The following SDK1 variants were observed in gnomAD, a reference collection of about 807,000 sequenced individuals.
The protein encoded by SDK1 is protein sidekick-1.
Under a neutral mutation model 245.5 loss-of-function variants are expected in SDK1, and 157 were observed. That is an observed-to-expected ratio of 0.64 (90% CI 0.56 to 0.73). The LOEUF (loss-of-function observed/expected upper bound fraction) is 0.73, where lower values mean the gene tolerates loss of function less well. SDK1 is among the 30% of genes least tolerant of loss of function. The pLI, the probability that SDK1 is intolerant of heterozygous loss-of-function variation, is 0.00. For missense variants in SDK1, 3,583 were observed against 3,002.3 expected, an observed-to-expected ratio of 1.19 and a Z score of -4.52; for synonymous variants, 1,647 against 1,278.5, an observed-to-expected ratio of 1.29 and a Z score of -6.15.
At chr7:4,243,495 G>A (rs1374001589) in intron 43 of SDK1, among the ~76,000 whole-genome samples, 1 of 152,208 alleles carries the variant, frequency 6.6e-6, no homozygotes, top group African/African-American at 2.4e-5. Flanking sequence ...TGGACTCACA[G>A]TTCCACATGG....
At chr7:3,461,030 G>C (rs568911884) in intron 1 of SDK1, among the ~76,000 whole-genome samples, 1 of 152,156 alleles carries the variant, frequency 6.6e-6, no homozygotes, top group African/African-American at 2.4e-5. Flanking sequence ...AATATATACA[G>C]ATTTAACGGG....
chr7:4,067,216 G>A (rs560326178), intron 19 of SDK1, among the ~76,000 whole-genome samples: 3 of 152,226 alleles, frequency 2.0e-5, no homozygotes, highest in African/African-American at 4.8e-5. Context: ...GGACGCCAGC[G>A]TTCAAGCGTA....
chr7:3,785,320 A>T (rs922499469), intron 4 of SDK1, among the ~76,000 whole-genome samples: 3 of 152,150 alleles, frequency 2.0e-5, no homozygotes, highest in African/African-American at 7.2e-5. Flanking sequence ...GTACACTTCA[A>T]AGTGTCTGAG....
intron 44 of SDK1, among the ~76,000 whole-genome samples, chr7:4,246,457 A>G (rs1189554274): frequency 6.6e-6 from 1 of 152,102 alleles, no homozygotes; most frequent in Non-Finnish European, 1.5e-5. Flanking sequence ...TGCCATAAAA[A>G]TTGGTGGTCT....
chr7:3,833,011 A>G (rs945165117), intron 5 of SDK1, among the ~76,000 whole-genome samples: 21 of 152,150 alleles, frequency 1.4e-4, no homozygotes, highest in African/African-American at 5.1e-4. Flanking sequence ...GTAGTTTTAG[A>G]GCATCATAAA....
intron 5 of SDK1, among the ~76,000 whole-genome samples, chr7:3,879,672 C>T (rs1183037527): frequency 6.6e-6 from 1 of 152,172 alleles, no homozygotes; most frequent in Non-Finnish European, 1.5e-5. Context: ...ATAGCTTTTG[C>T]ATTATCTTTC....
chr7:3,643,882 TTAA>T (rs1175653150), intron 4 of SDK1: 1 of 148,688 alleles, frequency 6.7e-6, no homozygotes, highest in Non-Finnish European at 1.5e-5. Context: ...ATTATTACTA[TTAA>T]TAATTATATA....
chr7:3,687,716 A>G (rs1472263806), intron 4 of SDK1, among the ~76,000 whole-genome samples: 2 of 152,222 alleles, frequency 1.3e-5, no homozygotes, highest in African/African-American at 4.8e-5. Flanking sequence ...ACGGGTCAGC[A>G]AAGCAGCGGA....
chr7:4,251,187 A>G (rs1226942458), intron 44 of SDK1, among the ~76,000 whole-genome samples: 1 of 152,230 alleles, frequency 6.6e-6, no homozygotes, highest in Non-Finnish European at 1.5e-5. Context: ...AAATGCATTC[A>G]TCAGTTGATG....
intron 1 of SDK1, among the ~76,000 whole-genome samples, chr7:3,421,186 C>T (rs1779525007): frequency 6.6e-6 from 1 of 151,146 alleles, no homozygotes; most frequent in African/African-American, 2.4e-5. Context: ...ATTCTCCTGC[C>T]TGAGCCTCCT....
In SDK1 at chr7:4,104,021, C is replaced by T. The variant is rs555974785; in HGVS notation, c.3325-6642C>T. ...ACAAAAACAGGAAGTGGGCCAGATTCGGCCCCTGGGCCGGAGTTTGCTGAC... is the reference window on the plus strand; with the variant it reads ...ACAAAAACAGGAAGTGGGCCAGATTTGGCCCCTGGGCCGGAGTTTGCTGAC... On this transcript the variant is annotated intron_variant, in intron 22 of 44. Transcript: ENST00000404826. Among the ~76,000 whole-genome samples, 3 of 152,374 alleles carry T rather than the reference C, an allele frequency of 2.0e-5. No homozygotes were observed. The South Asian group carries it at 6.2e-4, about 32-fold the overall frequency.
At chr7:3,850,470 C>T (rs1458018109) in intron 5 of SDK1, among the ~76,000 whole-genome samples, 2 of 152,174 alleles carry the variant, frequency 1.3e-5, no homozygotes, top group African/African-American at 4.8e-5. Flanking sequence ...GGATCTAGAA[C>T]TAGAAATACC....
chr7:3,893,298 G>C (rs1781507746), intron 5 of SDK1, among the ~76,000 whole-genome samples: 1 of 152,128 alleles, frequency 6.6e-6, no homozygotes, highest in South Asian at 2.1e-4. Context: ...CATCCCACCT[G>C]GGTCTGAATC....
intron 35 of SDK1, among the ~76,000 whole-genome samples, chr7:4,196,520 G>GT (rs1317984327): frequency 1.3e-5 from 2 of 152,064 alleles, no homozygotes; most frequent in African/African-American, 4.8e-5. Context: ...TCAGCTGCTG[G>GT]CCCCTCCCTG....
intron 1 of SDK1, among the ~76,000 whole-genome samples, chr7:3,431,165 T>A (rs1583846745): frequency 6.6e-6 from 1 of 152,016 alleles, no homozygotes; most frequent in African/African-American, 2.4e-5. Flanking sequence ...CGTCCCAAAG[T>A]GCTGGGATTA....
chr7:3,390,911 G>C (rs1781733550), intron 1 of SDK1, among the ~76,000 whole-genome samples: 1 of 152,104 alleles, frequency 6.6e-6, no homozygotes, highest in Non-Finnish European at 1.5e-5. Flanking sequence ...CTTCTGACAA[G>C]TAAAAGTAAA....
At chr7:3,326,602 A>C (rs1779946677) in intron 1 of SDK1, among the ~76,000 whole-genome samples, 2 of 152,160 alleles carry the variant, frequency 1.3e-5, no homozygotes, top group Non-Finnish European at 2.9e-5. Context: ...GTGTTAGTTT[A>C]CACATCCACT....
chr7:3,859,372 T>C lies in SDK1; in HGVS notation c.847+37789T>C, dbSNP rs137916817. Among the ~76,000 whole-genome samples the C allele has an allele frequency of 3.6e-3, 551 of 152,216 alleles. 1 individual carries two copies. The highest frequency in any genetic ancestry group is 4.7e-3 in the Non-Finnish European group (321 of 68,016). On this transcript the variant is annotated intron_variant, in intron 5 of 44. Transcript: ENST00000404826. ...CAGGGTAGTTGCAGTTCTTCCATAGTGAAATCCACTTATCAGGCACTTTGA... is the reference window on the plus strand; with the variant it reads ...CAGGGTAGTTGCAGTTCTTCCATAGCGAAATCCACTTATCAGGCACTTTGA...
At chr7:4,178,617 C>T (rs1341985034) in intron 35 of SDK1, 31 bp downstream of exon 35, 6 of 1,492,380 alleles carry the variant, frequency 4.0e-6, no homozygotes, top group African/African-American at 2.7e-5. Flanking sequence ...ACCCCACTGC[C>T]AGAGAGGGCC....
Sources: allele counts gnomAD v4.1 joint callset (sites outside exome capture counted in the v4.1 genomes callset), GRCh38; gene constraint gnomAD v4.1.1; transcripts MANE v1.5; gene names NCBI Gene and HGNC (gene_info 2026-07-23, HGNC 2026-07-21).